HERC4: variants seen among roughly 807,000 people sequenced by gnomAD.
HERC4 encodes the protein probable E3 ubiquitin-protein ligase HERC4.
In HERC4, 28 loss-of-function variants were observed where a neutral mutation model predicts 124.3. The ratio of observed to expected loss-of-function variants is 0.23; its 90% CI spans 0.17 to 0.31. The LOEUF (loss-of-function observed/expected upper bound fraction) is 0.31. Ranked by LOEUF, HERC4 falls within the 10% of genes least tolerant of loss-of-function variation. HERC4 has a pLI of 1.00. For synonymous variants in HERC4, 407 were observed against 421.5 expected (o/e 0.97, Z 0.42); for missense variants, 713 against 1,229.3 (o/e 0.58, Z 6.28).
intron 3 of HERC4, among the ~76,000 whole-genome samples, chr10:68,059,526 ATAT>A (rs1170216460): frequency 6.1e-4 from 55 of 90,378 alleles, no homozygotes; most frequent in African/African-American, 1.7e-3. Flanking sequence ...TATCATAATA[ATAT>A]TATATATCAT....
At chr10:67,959,865 C>T (rs2034391579) in intron 16 of HERC4, among the ~76,000 whole-genome samples, 1 of 152,170 alleles carries the variant, frequency 6.6e-6, no homozygotes, top group African/African-American at 2.4e-5. Flanking sequence ...ATGCTCAGAG[C>T]ACAGACTCGT....
intron 4 of HERC4, chr10:68,039,337 AAG>A: frequency 6.8e-7 from 1 of 1,480,606 alleles, no homozygotes; most frequent in Non-Finnish European, 9.0e-7. Context: ...AAAAAAAAGA[AAG>A]AAAGAAAAGA....
intron 17 of HERC4, chr10:67,956,304 C>T (rs894696382): frequency 1.3e-5 from 2 of 151,986 alleles, no homozygotes; most frequent in African/African-American, 4.8e-5. Context: ...TTAAAAAATC[C>T]TCTCTATAAA....
intron 22 of HERC4, among the ~76,000 whole-genome samples, chr10:67,933,380 T>C (rs1001814156): frequency 2.6e-5 from 4 of 152,190 alleles, no homozygotes; most frequent in African/African-American, 9.6e-5. Flanking sequence ...CTATCTCTTA[T>C]GATACAAAAC....
chr10:68,015,722 A>G (rs1386899232), intron 8 of HERC4, among the ~76,000 whole-genome samples: 1 of 152,208 alleles, frequency 6.6e-6, no homozygotes, highest in Non-Finnish European at 1.5e-5. Flanking sequence ...CTATTTTATT[A>G]AAACTCCTCC....
intron 9 of HERC4, chr10:68,010,904 A>C (rs867342637): frequency 7.4e-7 from 1 of 1,348,366 alleles, no homozygotes; most frequent in South Asian, 1.2e-5. Flanking sequence ...TTTTATCCTA[A>C]GATTGCAGCA....
At chr10:68,044,172 TAC>T (rs1006319815) in intron 4 of HERC4, among the ~76,000 whole-genome samples, 2 of 150,472 alleles carry the variant, frequency 1.3e-5, no homozygotes, top group African/African-American at 5.0e-5. Context: ...ATGCTTTTTT[TAC>T]AGACATAAAT....
chr10:68,037,534 CCTT>C, intron 5 of HERC4, among the ~76,000 whole-genome samples: 1 of 152,082 alleles, frequency 6.6e-6, no homozygotes, highest in Non-Finnish European at 1.5e-5. Flanking sequence ...TGATGTTTAG[CCTT>C]CTTTATTTCT....
intron 15 of HERC4, among the ~76,000 whole-genome samples, chr10:67,974,956 T>C (rs1350380224): frequency 6.6e-6 from 1 of 152,084 alleles, no homozygotes; most frequent in Non-Finnish European, 1.5e-5. Context: ...CTTGGGAGGC[T>C]GAGGTGGTTG....
intron 15 of HERC4, among the ~76,000 whole-genome samples, chr10:67,974,119 C>T (rs1478033568): frequency 1.2e-5 from 1 of 83,608 alleles, no homozygotes; most frequent in African/African-American, 4.0e-5. Context: ...CACACACACA[C>T]ATACACACAG....
At chr10:68,070,255 C>T (rs2133861761) in intron 3 of HERC4, 1 of 972,262 alleles carries the variant, frequency 1.0e-6, no homozygotes, top group Non-Finnish European at 1.2e-6. Flanking sequence ...CGAATTATTC[C>T]AAATATAAAT....
chr10:68,032,970 T>C, intron 6 of HERC4, 101 bp from the exon 7 acceptor site: 1 of 660,388 alleles, frequency 1.5e-6, no homozygotes, highest in African/African-American at 1.8e-5. Context: ...TAGTTGTGAC[T>C]AAATAATTTT....
At chr10:67,954,465 T>A (rs553305051) in intron 19 of HERC4, 130 bp downstream of exon 19, 1 of 656,340 alleles carries the variant, frequency 1.5e-6, no homozygotes, top group African/African-American at 1.9e-5. Context: ...ATTTCTCAAA[T>A]TGTAATAAAG....
At chr10:68,025,758 TTAATA>T in intron 7 of HERC4, 82 bp from the exon 8 acceptor site, 2 of 1,422,386 alleles carry the variant, frequency 1.4e-6, no homozygotes, top group Admixed American at 4.5e-5. Flanking sequence ...GTCCAAATCT[TTAATA>T]TAAACTCAGT....
At position 68,054,350 on chromosome 10, in the gene HERC4, A is replaced by AT. The variant is rs758802746; in HGVS notation, c.227-9788dup. The stretch of plus-strand genomic sequence containing the variant: ...GAATGTGCAGTTGAAGTATTTAATG[A>AT]TTTTTTTTTTTTTTTTTCAGACCGA... On this transcript the variant is annotated intron_variant, in intron 3 of 24. Transcript: ENST00000373700. Among the ~76,000 whole-genome samples, 834 of 132,650 alleles carry AT rather than the reference A, an allele frequency of 6.3e-3. 3 individuals carry two copies. The highest frequency in any genetic ancestry group is 0.014 in the African/African-American group (520 of 35,976). 87.0% of individuals were successfully genotyped at this position (132,650 alleles called of 152,430 possible). A position where few individuals can be genotyped will look rare whatever the true frequency, so the allele number is the denominator to read the frequency against.
intron 9 of HERC4, chr10:68,010,966 T>C (rs1302568044): frequency 2.8e-5 from 25 of 903,104 alleles, no homozygotes; most frequent in Non-Finnish European, 3.6e-5. Context: ...ATTTCCACCA[T>C]ATCTATAGTT....
intron 7 of HERC4, among the ~76,000 whole-genome samples, chr10:68,028,040 A>G (rs1035769642): frequency 6.7e-6 from 1 of 149,120 alleles, no homozygotes; most frequent in African/African-American, 2.4e-5. Context: ...TCAGCCTGAT[A>G]CATCCCCATT....
intron 16 of HERC4, among the ~76,000 whole-genome samples, chr10:67,957,311 G>GC (rs886318213): frequency 1.8e-4 from 28 of 152,162 alleles, no homozygotes; most frequent in African/African-American, 5.8e-4. Context: ...AAATGCGATA[G>GC]CCAATTCTTA....
chr10:67,943,760 A>G lies in HERC4; in HGVS notation c.2338-2655T>C, dbSNP rs961921012. ...AGGGTCCAGAACACTACTAAAACAC[A>G]GACACCCAGGGTTACAACCTTTCTT... On this transcript the variant is annotated intron_variant, in intron 19 of 24. Transcript: ENST00000373700. 2.0e-5 allele frequency among the ~76,000 whole-genome samples: 3 copies of G among 152,230 alleles called. No homozygotes were observed. In the East Asian group the frequency reaches 5.8e-4, roughly 29 times the overall value.
Sources: allele counts gnomAD v4.1 joint callset (sites outside exome capture counted in the v4.1 genomes callset), GRCh38; gene constraint gnomAD v4.1.1; transcripts MANE v1.5; gene names NCBI Gene and HGNC (gene_info 2026-07-23, HGNC 2026-07-21).